The following CPQ variants were observed in gnomAD, a reference collection of about 807,000 sequenced individuals.
The protein encoded by CPQ is carboxypeptidase Q, also known as Ser-Met dipeptidase.
A neutral mutation model predicts 45.7 loss-of-function variants in CPQ; 37 were observed. That is an observed-to-expected ratio of 0.81 (90% CI 0.62 to 1.07). The LOEUF (loss-of-function observed/expected upper bound fraction) is 1.07, where lower values mean the gene tolerates loss of function less well. Ranked by LOEUF, CPQ falls within the 50% of genes least tolerant of loss-of-function variation. CPQ has a pLI of 0.00. For missense variants in CPQ, 537 were observed against 572.9 expected (o/e 0.94, Z 0.64); for synonymous variants, 186 against 205.8 (o/e 0.90, Z 0.82).
Position 97,142,665 on chromosome 8 carries a change from A to C in CPQ, c.1256-355A>C, listed in dbSNP as rs190580504. Reference sequence around the variant, plus strand: ...TGCAGAGCTTGTTGAGAGAGTTAGCAATATTTTCCAAATGTAGGCTACTTC... The same window carrying C: ...TGCAGAGCTTGTTGAGAGAGTTAGCCATATTTTCCAAATGTAGGCTACTTC... On this transcript the variant is annotated intron_variant, in intron 7 of 7. Transcript: ENST00000220763. Among the ~76,000 whole-genome samples, 8 of 152,362 alleles carry C rather than the reference A, an allele frequency of 5.3e-5. No individual in the cohort carries two copies. In the East Asian group the frequency reaches 1.5e-3, roughly 29 times the overall value.
Position 96,928,413 on chromosome 8 carries a change from G to A in CPQ, c.850-37522G>A, listed in dbSNP as rs187536674. 2.6e-3 allele frequency among the ~76,000 whole-genome samples: 394 copies of A among 150,696 alleles called. 3 individuals are homozygous for A. The highest frequency in any genetic ancestry group is 3.5e-3 in the Non-Finnish European group (239 of 67,800). On this transcript the variant is annotated intron_variant, in intron 4 of 7. Transcript: ENST00000220763. Reference sequence around the variant, plus strand: ...GAGGTAAAAATAAGCCAAAAATTTGGTCCTGATATAAATGAGGGGACTGCA... The same window carrying A: ...GAGGTAAAAATAAGCCAAAAATTTGATCCTGATATAAATGAGGGGACTGCA...
chr8:96,850,383 A>G (rs1811754358), intron 3 of CPQ, among the ~76,000 whole-genome samples: 1 of 152,138 alleles, frequency 6.6e-6, no homozygotes, highest in Non-Finnish European at 1.5e-5. Context: ...CTATTTGCCT[A>G]CTAAGGAAAG....
In CPQ at chr8:96,998,872, C is replaced by T. The variant is rs1809220362; in HGVS notation, c.962-30531C>T. ...TGTTCTATGCTATTTGCTGGACAAA[C>T]CAAAAAACTGCCTTTGTTAAAAGAC... is the stretch of plus-strand genomic sequence containing the variant. On this transcript the variant is annotated intron_variant, in intron 5 of 7. Coordinates refer to ENST00000220763, the MANE Select transcript of CPQ (RefSeq NM_016134.4). 2.0e-5 allele frequency among the ~76,000 whole-genome samples: 3 copies of T among 151,886 alleles called. 1 individual carries two copies. In the South Asian group the frequency reaches 6.2e-4, roughly 31 times the overall value.
chr8:96,999,622 T>C (rs144365099), intron 5 of CPQ, among the ~76,000 whole-genome samples: 52 of 152,280 alleles, frequency 3.4e-4, no homozygotes, highest in Middle Eastern at 3.4e-3. Flanking sequence ...TACCACATTT[T>C]CTTTATCGAG....
chr8:96,657,951 A>C (rs1015563380), intron 1 of CPQ, among the ~76,000 whole-genome samples: 1 of 152,226 alleles, frequency 6.6e-6, no homozygotes, highest in Non-Finnish European at 1.5e-5. Context: ...TCATTATCAA[A>C]ATACATTGGA....
At position 96,985,214 on chromosome 8, in the gene CPQ, A is replaced by T. The variant is rs534396624; in HGVS notation, c.961+19168A>T. ...TTGTTTAGGGACACTTTAAAAAAAT[A>T]TTTCCTTGCTCTTACTTTTTTTTCT... On this transcript the variant is annotated intron_variant, in intron 5 of 7. Transcript: ENST00000220763. Among the ~76,000 whole-genome samples, 112 of 150,522 alleles carry T rather than the reference A, an allele frequency of 7.4e-4. 1 individual carries two copies. In the South Asian group the frequency reaches 0.023, roughly 30 times the overall value.
intron 4 of CPQ, among the ~76,000 whole-genome samples, chr8:96,960,873 T>C (rs1813449132): frequency 6.6e-6 from 1 of 152,188 alleles, no homozygotes. Context: ...TATTTAATAA[T>C]GCATCACTAG....
chr8:96,700,844 G>C (rs772375448), intron 1 of CPQ, among the ~76,000 whole-genome samples: 59 of 152,174 alleles, frequency 3.9e-4, no homozygotes, highest in Non-Finnish European at 5.9e-4. Flanking sequence ...TCTGCTCCAG[G>C]CCTGACCTGA....
At chr8:96,991,856 G>A (rs943953943) in intron 5 of CPQ, among the ~76,000 whole-genome samples, 1 of 152,052 alleles carries the variant, frequency 6.6e-6, no homozygotes, top group Non-Finnish European at 1.5e-5. Flanking sequence ...GTGGATTTTG[G>A]TTTGGATTTC....
chr8:96,825,240 C>G (rs1022435447), intron 2 of CPQ, among the ~76,000 whole-genome samples: 2 of 152,026 alleles, frequency 1.3e-5, no homozygotes, highest in East Asian at 3.9e-4. Flanking sequence ...AATGAAGTCT[C>G]CTCTGTCTTT....
chr8:96,845,889 G>A (rs1283356794), intron 3 of CPQ, among the ~76,000 whole-genome samples: 3 of 152,022 alleles, frequency 2.0e-5, no homozygotes, highest in South Asian at 4.2e-4. Context: ...GCGCGATCTC[G>A]GCTCACTGCA....
intron 7 of CPQ, among the ~76,000 whole-genome samples, chr8:97,101,782 C>T (rs1203480911): frequency 6.6e-6 from 1 of 151,874 alleles, no homozygotes; most frequent in East Asian, 1.9e-4. Context: ...TTAATGGCTG[C>T]AAATATATAA....
intron 7 of CPQ, among the ~76,000 whole-genome samples, chr8:97,097,310 C>T (rs1303412783): frequency 6.6e-6 from 1 of 152,076 alleles, no homozygotes; most frequent in Non-Finnish European, 1.5e-5. Context: ...ATAAATATAC[C>T]AATCTTAGGA....
intron 4 of CPQ, among the ~76,000 whole-genome samples, chr8:96,888,696 C>CT (rs1421338041): frequency 2.6e-5 from 4 of 152,126 alleles, no homozygotes; most frequent in African/African-American, 9.7e-5. Flanking sequence ...CACTGGGAAT[C>CT]TTTAAGAGGT....
At chr8:97,049,133 C>T (rs1371304556) in intron 6 of CPQ, among the ~76,000 whole-genome samples, 1 of 152,196 alleles carries the variant, frequency 6.6e-6, no homozygotes, top group Non-Finnish European at 1.5e-5. Context: ...AATAAATTAG[C>T]ATCGTCTTTA....
At chr8:96,777,882 C>G (rs1378793330) in intron 1 of CPQ, among the ~76,000 whole-genome samples, 2 of 147,542 alleles carry the variant, frequency 1.4e-5, no homozygotes, top group Non-Finnish European at 3.0e-5. Flanking sequence ...GCGCCCTCCA[C>G]CACGCCCAGC....
chr8:97,076,216 G>A (rs1452068404), intron 7 of CPQ, among the ~76,000 whole-genome samples: 1 of 151,708 alleles, frequency 6.6e-6, no homozygotes, highest in African/African-American at 2.4e-5. Context: ...AGTAGAGATG[G>A]GGTTTTACCA....
At chr8:96,909,767 A>T (rs894111809) in intron 4 of CPQ, among the ~76,000 whole-genome samples, 2 of 152,210 alleles carry the variant, frequency 1.3e-5, no homozygotes, top group African/African-American at 4.8e-5. Flanking sequence ...GTCTGTGAAT[A>T]TATGGGAACA....
intron 6 of CPQ, among the ~76,000 whole-genome samples, chr8:97,061,416 G>C (rs757060364): frequency 2.9e-4 from 44 of 152,072 alleles, no homozygotes; most frequent in Non-Finnish European, 5.6e-4. Flanking sequence ...TTAAAAGTGA[G>C]GACTTGTGGC....
Sources: allele counts gnomAD v4.1 joint callset (sites outside exome capture counted in the v4.1 genomes callset), GRCh38; gene constraint gnomAD v4.1.1; transcripts MANE v1.5; gene names NCBI Gene and HGNC (gene_info 2026-07-23, HGNC 2026-07-21).